PSMD14: variants seen among roughly 807,000 people sequenced by gnomAD.
PSMD14 encodes proteasome 26S subunit, non-ATPase 14, also known as ubiquitin C-terminal hydrolase PSMD14.
A neutral mutation model predicts 41.2 loss-of-function variants in PSMD14; 7 were observed. The ratio of observed to expected loss-of-function variants is 0.17; its 90% confidence interval spans 0.10 to 0.32. The LOEUF is 0.32. Ranked by LOEUF, PSMD14 falls within the 10% of genes least tolerant of loss-of-function variation. PSMD14 has a pLI of 1.00. For missense variants in PSMD14, 139 were observed against 375.6 expected (o/e 0.37, Z 5.21); for synonymous variants, 114 against 122.3 (o/e 0.93, Z 0.45).
chr2:161,392,290 CA>C (rs1485274292), intron 9 of PSMD14, among the ~76,000 whole-genome samples: 1 of 152,088 alleles, frequency 6.6e-6, no homozygotes, highest in Non-Finnish European at 1.5e-5. Flanking sequence ...GATTGATAGC[CA>C]GTAAGTTTTG....
At chr2:161,350,428 A>T (rs995331529) in intron 3 of PSMD14, among the ~76,000 whole-genome samples, 1 of 152,222 alleles carries the variant, frequency 6.6e-6, no homozygotes, top group Non-Finnish European at 1.5e-5. Context: ...ACTAGTCCTA[A>T]AACTAGATGT....
At chr2:161,342,669 T>G (rs1682983895) in intron 3 of PSMD14, among the ~76,000 whole-genome samples, 1 of 152,126 alleles carries the variant, frequency 6.6e-6, no homozygotes, top group African/African-American at 2.4e-5. Context: ...ATTCAGATAT[T>G]TAAGTAATTT....
At chr2:161,387,523 T>A (rs1683649135) in intron 8 of PSMD14, among the ~76,000 whole-genome samples, 1 of 152,038 alleles carries the variant, frequency 6.6e-6, no homozygotes, top group African/African-American at 2.4e-5. Context: ...CTAACAGATT[T>A]TTTTTTACTC....
At chr2:161,397,083 G>A (rs1027933491) in intron 10 of PSMD14, among the ~76,000 whole-genome samples, 13 of 152,116 alleles carry the variant, frequency 8.5e-5, no homozygotes, top group African/African-American at 2.9e-4. Flanking sequence ...ACCTGCCTTG[G>A]CCTCCCAAAG....
At chr2:161,351,608 G>C (rs900109578) in intron 3 of PSMD14, among the ~76,000 whole-genome samples, 1 of 152,068 alleles carries the variant, frequency 6.6e-6, no homozygotes, top group East Asian at 1.9e-4. Context: ...CTTTCCCCTG[G>C]AAGTCTTCTA....
At chr2:161,321,464 A>C (rs899673624) in intron 3 of PSMD14, among the ~76,000 whole-genome samples, 3 of 152,154 alleles carry the variant, frequency 2.0e-5, no homozygotes, top group African/African-American at 7.2e-5. Context: ...AACAGTTGCT[A>C]CTTTACTGGC....
chr2:161,405,720 T>C (rs1242166583), intron 10 of PSMD14, among the ~76,000 whole-genome samples: 1 of 152,192 alleles, frequency 6.6e-6, no homozygotes, highest in African/African-American at 2.4e-5. Context: ...GATTGCTTAA[T>C]AGTGAAAAAT....
At chr2:161,329,911 TG>T (rs1179611698) in intron 3 of PSMD14, among the ~76,000 whole-genome samples, 3 of 152,178 alleles carry the variant, frequency 2.0e-5, no homozygotes, top group African/African-American at 7.2e-5. Context: ...AGGGTGTTCC[TG>T]AGAGGCCTCA....
chr2:161,361,044 G>T (rs1158695425), intron 3 of PSMD14, among the ~76,000 whole-genome samples: 2 of 152,050 alleles, frequency 1.3e-5, no homozygotes, highest in Non-Finnish European at 2.9e-5. Context: ...TCCTTTATTT[G>T]TTCAGTTGAG....
At chr2:161,322,674 A>G (rs1682625895) in intron 3 of PSMD14, among the ~76,000 whole-genome samples, 1 of 151,800 alleles carries the variant, frequency 6.6e-6, no homozygotes, top group South Asian at 2.1e-4. Flanking sequence ...ACAGATGTGA[A>G]CCATTGCGCC....
chr2:161,380,136 C>T (rs1211015805), intron 7 of PSMD14, among the ~76,000 whole-genome samples: 3 of 151,966 alleles, frequency 2.0e-5, no homozygotes, highest in African/African-American at 4.8e-5. Flanking sequence ...TATGAGGCAT[C>T]GTCATTCATG....
At chr2:161,409,311 G>A (rs908793175) in intron 11 of PSMD14, among the ~76,000 whole-genome samples, 1 of 152,022 alleles carries the variant, frequency 6.6e-6, no homozygotes, top group Admixed American at 6.6e-5. Flanking sequence ...GGGTTATACT[G>A]AGTGAAGAGA....
At chr2:161,394,978 A>G in intron 9 of PSMD14, 100 bp from the exon 10 acceptor site, 2 of 1,021,922 alleles carry the variant, frequency 2.0e-6, no homozygotes, top group Non-Finnish European at 2.8e-6. Flanking sequence ...TAAATCCATT[A>G]AGTCGAAATG....
At chr2:161,321,443 A>G (rs1198931424) in intron 3 of PSMD14, among the ~76,000 whole-genome samples, 6 of 152,106 alleles carry the variant, frequency 3.9e-5, no homozygotes, top group African/African-American at 1.2e-4. Flanking sequence ...TTTTTTTTAT[A>G]TCAGTGTCCA....
At position 161,367,357 on chromosome 2, in the gene PSMD14, G is replaced by T. The variant is rs989602606; in HGVS notation, c.49-121G>T. 13 of 722,056 alleles carry T rather than the reference G, an allele frequency of 1.8e-5. No individual in the cohort carries two copies. The African/African-American group carries it at 2.3e-4, about 13-fold the overall frequency. The allele number at this position is 722,056 out of a possible 1,614,324, so 44.7% of individuals were successfully genotyped here. On this transcript the variant is annotated intron_variant, in intron 3 of 11. Transcript: ENST00000409682. ...TGATTATGTCATAGCCAAATAAAAG[G>T]ATACTTGACATGTTTTGCAAAACTA...
At chr2:161,398,422 A>G (rs999391086) in intron 10 of PSMD14, among the ~76,000 whole-genome samples, 1 of 152,040 alleles carries the variant, frequency 6.6e-6, no homozygotes, top group Non-Finnish European at 1.5e-5. Context: ...TGAATTCCAC[A>G]CAAATTCTGC....
intron 7 of PSMD14, among the ~76,000 whole-genome samples, chr2:161,374,661 G>A (rs560064521): frequency 3.7e-4 from 57 of 152,014 alleles, no homozygotes; most frequent in African/African-American, 1.4e-3. Context: ...TTAAACTTTA[G>A]TTCTCAAGTG....
chr2:161,395,355 T>C (rs1269275930), intron 10 of PSMD14, among the ~76,000 whole-genome samples, 152 bp downstream of exon 10: 2 of 152,240 alleles, frequency 1.3e-5, no homozygotes, highest in Non-Finnish European at 2.9e-5. Flanking sequence ...CTGCAACTAC[T>C]CACCCTTGCC....
At chr2:161,369,654 A>G (rs887905767) in intron 5 of PSMD14, among the ~76,000 whole-genome samples, 7 of 151,994 alleles carry the variant, frequency 4.6e-5, no homozygotes, top group Non-Finnish European at 8.8e-5. Flanking sequence ...CAAATATCTT[A>G]TTTTGGTTGA....
Sources: allele counts gnomAD v4.1 joint callset (sites outside exome capture counted in the v4.1 genomes callset), GRCh38; gene constraint gnomAD v4.1.1; transcripts MANE v1.5; gene names NCBI Gene and HGNC (gene_info 2026-07-23, HGNC 2026-07-21).